KIF14: variants seen among roughly 807,000 people sequenced by gnomAD.
KIF14 encodes kinesin family member 14.
A neutral mutation model predicts 176.2 loss-of-function variants in KIF14; 98 were observed. The observed-to-expected ratio is 0.56, with a 90% CI of 0.47 to 0.66. KIF14 has a LOEUF of 0.66. KIF14 is among the 30% of genes least tolerant of loss of function. KIF14 has a pLI of 0.00. For missense variants in KIF14, 1,751 were observed against 1,920.4 expected (o/e 0.91, Z 1.65); for synonymous variants, 566 against 632.2 (o/e 0.90, Z 1.57).
At chr1:200,574,303 T>G (rs992706795) in intron 22 of KIF14, among the ~76,000 whole-genome samples, 11 of 152,142 alleles carry the variant, frequency 7.2e-5, no homozygotes, top group African/African-American at 1.9e-4. Flanking sequence ...TGTTCAAAAT[T>G]AAACTCCTCT....
chr1:200,569,102 T>A (rs934677093), intron 23 of KIF14, among the ~76,000 whole-genome samples: 1 of 151,956 alleles, frequency 6.6e-6, no homozygotes, highest in Non-Finnish European at 1.5e-5. Context: ...ATTTTGTATT[T>A]TTAGTAGAGA....
intron 19 of KIF14, among the ~76,000 whole-genome samples, chr1:200,584,671 T>C (rs980186238): frequency 6.6e-6 from 1 of 152,146 alleles, no homozygotes; most frequent in Non-Finnish European, 1.5e-5. Flanking sequence ...TGATAAAGAC[T>C]CTCAACAAAT....
intron 25 of KIF14, among the ~76,000 whole-genome samples, chr1:200,562,424 A>G (rs1265441041): frequency 6.6e-6 from 1 of 152,246 alleles, no homozygotes; most frequent in East Asian, 1.9e-4. Flanking sequence ...AGGCATTTCC[A>G]GCTTTATTTT....
chr1:200,553,241 TA>T lies in KIF14; in HGVS notation c.*146del, dbSNP rs1656643013. 1.1e-5 allele frequency: 10 copies of T among 873,706 alleles called. No homozygotes were observed. The highest frequency in any genetic ancestry group is 1.5e-5 in the Non-Finnish European group (9 of 591,924). 54.1% of individuals were successfully genotyped at this position (873,706 alleles called of 1,614,324 possible). A position where few individuals can be genotyped will look rare whatever the true frequency, so the allele number is the denominator to read the frequency against. On this transcript the variant is annotated 3_prime_UTR_variant, in exon 30 of 30. Transcript: ENST00000367350. ...GTGAGCCACTGTGTCTGGCCTTTGA[TA>T]AATAGATATTTTAAAGATAAAAAGA... is the stretch of plus-strand genomic sequence containing the variant.
Position 200,618,091 on chromosome 1 carries a change from T to C in KIF14, c.633A>G (p.Ala211=), listed in dbSNP as rs747629213. Residue 211 remains alanine (A), a synonymous_variant, in exon 2 of 30, where the codon GCA becomes GCG. Transcript: ENST00000367350. The part of the protein sequence containing the change: ...SAPSRANENV[A]LKYSSNRPPI... ...GTGGTCTATTACTTGAGTACTTAAG[T>C]GCAACATTTTCATTTGCTCTACTGG... The C allele has an allele frequency of 1.5e-5, 24 of 1,614,074 alleles. No homozygotes were observed. In the South Asian group the frequency reaches 1.8e-4, roughly 12 times the overall value.
At chr1:200,599,402 T>C (rs1215796762) in intron 13 of KIF14, among the ~76,000 whole-genome samples, 1 of 152,238 alleles carries the variant, frequency 6.6e-6, no homozygotes. Flanking sequence ...CTTCCAAGAA[T>C]GTGCTCTTCC....
chr1:200,573,346 GAT>G (rs1657916110), intron 22 of KIF14, among the ~76,000 whole-genome samples: 1 of 151,164 alleles, frequency 6.6e-6, no homozygotes, highest in Admixed American at 6.6e-5. Flanking sequence ...CCAGGATGCT[GAT>G]ATCAGACTTT....
chr1:200,598,459 A>G, intron 13 of KIF14, 38 bp from the exon 14 acceptor site: 1 of 1,520,784 alleles, frequency 6.6e-7, no homozygotes, highest in South Asian at 1.2e-5. Flanking sequence ...TCTTAATCAC[A>G]GTATGAAATT....
At chr1:200,592,933 C>T (rs1659128519) in intron 15 of KIF14, among the ~76,000 whole-genome samples, 1 of 152,058 alleles carries the variant, frequency 6.6e-6, no homozygotes, top group African/African-American at 2.4e-5. Context: ...GAAAAAAATA[C>T]AGTAAAAATA....
rs146722826 is a variant in KIF14, at chr1:200,612,205, G to C, written c.1455+2113C>G. On this transcript the variant is annotated intron_variant, in intron 4 of 29. Coordinates refer to ENST00000367350, the MANE Select transcript of KIF14 (RefSeq NM_014875.3). ...CTTAGTAGAGACAGGGATTCACCAT[G>C]TTGGCCAGGCTGGTCTCAAACTCCT... Among the ~76,000 whole-genome samples the C allele has an allele frequency of 2.1e-3, 323 of 152,176 alleles. 2 individuals are homozygous for C. Among genetic ancestry groups the C allele is most frequent in the African/African-American group, 7.4e-3 (308 of 41,500 alleles).
intron 13 of KIF14, 119 bp downstream of exon 13, chr1:200,599,929 CAG>C: frequency 3.1e-6 from 2 of 641,532 alleles, no homozygotes. Flanking sequence ...TTGCTTTGTA[CAG>C]AGTCAGTATA....
chr1:200,604,863 T>C (rs1008454633), intron 8 of KIF14, among the ~76,000 whole-genome samples: 3 of 152,224 alleles, frequency 2.0e-5, no homozygotes, highest in African/African-American at 7.2e-5. Context: ...GATGTTTTTC[T>C]AAATACTCTG....
intron 18 of KIF14, among the ~76,000 whole-genome samples, chr1:200,587,709 G>A (rs1342386357): frequency 4.6e-5 from 7 of 152,088 alleles, no homozygotes; most frequent in South Asian, 4.1e-4. Context: ...CCAGCTACTC[G>A]GGAGGCTGAG....
rs376628606 is a variant in KIF14 at position 200,601,975 on chromosome 1, T to C, written c.2073A>G (p.Thr691=). 4.0e-5 allele frequency: 64 copies of C among 1,613,840 alleles called. No homozygotes were observed. The highest frequency in any genetic ancestry group is 5.3e-5 in the Non-Finnish European group (62 of 1,179,904). The change falls in exon 11 of 30, where the codon ACA becomes ACG. Residue 691 remains threonine, a synonymous_variant. Transcript: ENST00000367350. ...AACGGGCTTGGTTAGCATATCTAAG[T>C]GTGCTTAATGTTTCTTCTATGTTGC... is the stretch of plus-strand genomic sequence containing the variant. The part of the protein sequence containing the change: ...AASNIEETLS[T]LRYANQARLI...
In KIF14 at chr1:200,565,195, C is replaced by T. The variant is rs1298076765; in HGVS notation, c.3945G>A (p.Glu1315=). 2 of 1,613,952 alleles carry T rather than the reference C, an allele frequency of 1.2e-6. No homozygotes were observed. The highest frequency in any genetic ancestry group is 1.1e-5 in the South Asian group (1 of 91,052). ...SLTIQTACAF[E]QLVVLMKHWL... is the part of the protein sequence containing the mutation. The stretch of plus-strand genomic sequence containing the variant: ...AGTGTTTCATTAGCACTACTAGCTG[C>T]TCAAAAGCACATGCAGTCTGAATAG... Residue 1315 remains glutamate, a synonymous_variant, in exon 25 of 30, where the codon GAG becomes GAA. Coordinates refer to ENST00000367350, the MANE Select transcript of KIF14 (RefSeq NM_014875.3).
At chr1:200,616,644 T>TA (rs1660418770) in intron 2 of KIF14, among the ~76,000 whole-genome samples, 1 of 152,256 alleles carries the variant, frequency 6.6e-6, no homozygotes, top group South Asian at 2.1e-4. Context: ...CTTGCTTAGA[T>TA]ACACAGCTTC....
Position 200,589,272 on chromosome 1 carries a change from T to C in KIF14, c.3059A>G (p.Gln1020Arg), listed in dbSNP as rs780568827. ...TCGCTTTTTGTTGACATATATTTCC[T>C]GTTCAAGATGCTGCTTTGCCTTTTC... is the stretch of plus-strand genomic sequence containing the variant. ...ELEKAKQHLE[Q>R]EIYVNKKRLE... Residue 1020 changes from glutamine (Q) to arginine (R), a missense_variant, in exon 18 of 30, where the codon CAG becomes CGG. Transcript: ENST00000367350. 1.2e-5 allele frequency: 19 copies of C among 1,611,848 alleles called. No individual in the cohort carries two copies. The highest frequency in any genetic ancestry group is 1.5e-5 in the Non-Finnish European group (18 of 1,178,408).
chr1:200,584,478 T>C (rs1658631951), intron 19 of KIF14, among the ~76,000 whole-genome samples: 1 of 152,096 alleles, frequency 6.6e-6, no homozygotes, highest in South Asian at 2.1e-4. Context: ...GCAAACCAAA[T>C]TCAACAGCAC....
chr1:200,616,218 C>T (rs1186130484), intron 2 of KIF14, among the ~76,000 whole-genome samples: 9 of 151,826 alleles, frequency 5.9e-5, no homozygotes, highest in Admixed American at 5.9e-4. Context: ...TCCAGATATA[C>T]ACTCCCTCCC....
Sources: allele counts gnomAD v4.1 joint callset (sites outside exome capture counted in the v4.1 genomes callset), GRCh38; gene constraint gnomAD v4.1.1; transcripts MANE v1.5; gene names NCBI Gene and HGNC (gene_info 2026-07-23, HGNC 2026-07-21).